The following SLC2A13 variants were observed in gnomAD, a reference collection of about 807,000 sequenced individuals.
The protein encoded by SLC2A13 is proton myo-inositol cotransporter.
A neutral mutation model predicts 64.4 loss-of-function variants in SLC2A13; 32 were observed. The ratio of observed to expected loss-of-function variants is 0.50; its 90% CI spans 0.37 to 0.67. SLC2A13 has a LOEUF of 0.67. Ranked by LOEUF, SLC2A13 falls within the 30% of genes least tolerant of loss-of-function variation. The probability of loss-of-function intolerance (pLI) is 0.00; values close to 1 mark genes in which losing one functional copy is unlikely to be tolerated. For missense variants in SLC2A13, 743 were observed against 829.2 expected (o/e 0.90, Z 1.28); for synonymous variants, 338 against 327.1 (o/e 1.03, Z -0.36).
At chr12:39,832,316 T>C (rs73092158) in intron 6 of SLC2A13, among the ~76,000 whole-genome samples, 2,266 of 152,272 alleles carry the variant, frequency 0.015, 59 homozygotes, top group African/African-American at 0.049. Context: ...ATACTAATTG[T>C]TCCAATGGCC....
chr12:39,944,048 T>C (rs1946092034), intron 4 of SLC2A13, among the ~76,000 whole-genome samples: 1 of 152,218 alleles, frequency 6.6e-6, no homozygotes, highest in South Asian at 2.1e-4. Flanking sequence ...GGTTGTGTCA[T>C]TATCATTCAG....
intron 2 of SLC2A13, among the ~76,000 whole-genome samples, chr12:40,039,295 C>T (rs1948042649): frequency 6.6e-6 from 1 of 152,200 alleles, no homozygotes; most frequent in Non-Finnish European, 1.5e-5. Flanking sequence ...CATCTTTTCC[C>T]AACCTTTCAC....
intron 4 of SLC2A13, chr12:39,950,639 G>A (rs1037713034): frequency 1.3e-5 from 2 of 152,116 alleles, no homozygotes; most frequent in African/African-American, 4.8e-5. Context: ...CTCAAAAATG[G>A]GTTTAATACT....
At chr12:39,840,182 C>T (rs1314319538) in intron 6 of SLC2A13, among the ~76,000 whole-genome samples, 1 of 152,006 alleles carries the variant, frequency 6.6e-6, no homozygotes, top group Admixed American at 6.6e-5. Flanking sequence ...CAGGCACGTG[C>T]AACCATGCCT....
chr12:39,796,865 C>T (rs1941593868), intron 7 of SLC2A13, among the ~76,000 whole-genome samples: 1 of 152,168 alleles, frequency 6.6e-6, no homozygotes, highest in East Asian at 1.9e-4. Context: ...GCACCTTTGA[C>T]TTCCTCTCTA....
chr12:40,066,556 C>T lies in SLC2A13; in HGVS notation c.557-18346G>A, dbSNP rs1288530024. Among the ~76,000 whole-genome samples the T allele has an allele frequency of 2.6e-5, 4 of 152,220 alleles. No homozygotes were observed. The East Asian group carries it at 5.8e-4, about 22-fold the overall frequency. On this transcript the variant is annotated intron_variant, in intron 1 of 9. Transcript: ENST00000280871. ...CATCACTTATTCCGAAAATGTTTCA[C>T]ACATAACCAGAATAAAATGCCATGC...
intron 3 of SLC2A13, among the ~76,000 whole-genome samples, chr12:39,966,054 C>CAT (rs926558481): frequency 3.3e-5 from 5 of 149,470 alleles, no homozygotes; most frequent in African/African-American, 7.5e-5. Context: ...TATATATATA[C>CAT]ATATATATAT....
chr12:39,811,682 T>C (rs185304164), intron 7 of SLC2A13, among the ~76,000 whole-genome samples: 33 of 152,328 alleles, frequency 2.2e-4, no homozygotes, highest in Non-Finnish European at 3.7e-4. Flanking sequence ...TTAAGAATTG[T>C]ATGTCTTGAT....
At chr12:39,795,853 G>A (rs1216224607) in intron 7 of SLC2A13, among the ~76,000 whole-genome samples, 2 of 152,050 alleles carry the variant, frequency 1.3e-5, no homozygotes, top group African/African-American at 2.4e-5. Context: ...ATGCATTGGG[G>A]CATTTTTTTC....
At chr12:39,774,028 C>A (rs1212475748) in intron 7 of SLC2A13, among the ~76,000 whole-genome samples, 1 of 152,162 alleles carries the variant, frequency 6.6e-6, no homozygotes, top group African/African-American at 2.4e-5. Flanking sequence ...AAGCTATCAC[C>A]TCAAAACATA....
intron 5 of SLC2A13, among the ~76,000 whole-genome samples, chr12:39,867,584 T>G: frequency 6.6e-6 from 1 of 152,184 alleles, no homozygotes; most frequent in East Asian, 1.9e-4. Context: ...CATCTATCTC[T>G]TAAGGTCCAA....
In SLC2A13 at chr12:40,106,043, C is replaced by T; in HGVS notation, c.-235G>A. The T allele has an allele frequency of 2.5e-6, 1 of 395,570 alleles. No homozygotes were observed. The highest frequency in any genetic ancestry group is 4.2e-5 in the East Asian group (1 of 24,080). 24.5% of individuals were successfully genotyped at this position (395,570 alleles called of 1,614,324 possible). The stretch of plus-strand genomic sequence containing the variant: ...AGCCCGGCGGGTCTCACTCCACACT[C>T]ACGCCCCGCGCCTGCCGAGCTGGCG... On this transcript the variant is annotated 5_prime_UTR_variant, in exon 1 of 10. Coordinates refer to ENST00000280871, the MANE Select transcript of SLC2A13 (RefSeq NM_052885.4).
intron 2 of SLC2A13, among the ~76,000 whole-genome samples, chr12:40,044,097 AC>A (rs1403415896): frequency 6.6e-6 from 1 of 152,208 alleles, no homozygotes; most frequent in Non-Finnish European, 1.5e-5. Context: ...ATACCTATCA[AC>A]TGATGAATAG....
chr12:40,023,199 T>C (rs1163255624), intron 3 of SLC2A13, among the ~76,000 whole-genome samples: 1 of 152,238 alleles, frequency 6.6e-6, no homozygotes, highest in Admixed American at 6.5e-5. Flanking sequence ...TTCATGCTTT[T>C]GTTGTTCATG....
At chr12:39,828,391 C>T (rs1295951573) in intron 7 of SLC2A13, among the ~76,000 whole-genome samples, 1 of 151,390 alleles carries the variant, frequency 6.6e-6, no homozygotes, top group East Asian at 1.9e-4. Context: ...TGTGCAGTTA[C>T]AGGATGATGG....
intron 7 of SLC2A13, among the ~76,000 whole-genome samples, chr12:39,790,000 A>G (rs1465567341): frequency 6.6e-6 from 1 of 152,136 alleles, no homozygotes; most frequent in Non-Finnish European, 1.5e-5. Flanking sequence ...ACATTCAAAA[A>G]GTAAAAGGAA....
chr12:40,036,830 T>A (rs918749965), intron 2 of SLC2A13, among the ~76,000 whole-genome samples: 1 of 152,228 alleles, frequency 6.6e-6, no homozygotes, highest in Non-Finnish European at 1.5e-5. Context: ...GTGGATATCT[T>A]TGCCTAGCAA....
chr12:39,985,336 T>C (rs1292101110), intron 3 of SLC2A13, among the ~76,000 whole-genome samples: 2 of 152,168 alleles, frequency 1.3e-5, no homozygotes, highest in Non-Finnish European at 2.9e-5. Context: ...ATTACCAAGT[T>C]AGCCATTATT....
chr12:40,010,598 T>G (rs776621711), intron 3 of SLC2A13, among the ~76,000 whole-genome samples: 5 of 152,210 alleles, frequency 3.3e-5, no homozygotes, highest in African/African-American at 4.8e-5. Context: ...TTTTAATGAT[T>G]TTTTCACAAA....
Sources: gnomAD v4.1 joint callset for allele counts (sites outside exome capture counted in the v4.1 genomes callset) on GRCh38, gnomAD v4.1.1 for gene constraint, MANE v1.5 for transcripts, NCBI Gene and HGNC (gene_info 2026-07-23, HGNC 2026-07-21) for gene names.